Variants in CHD1L observed in about 807,000 individuals in gnomAD.
The protein encoded by CHD1L is chromodomain helicase DNA binding protein 1 like, also known as ATP-dependent chromatin remodeler CHD1L.
Under a neutral mutation model 115.9 loss-of-function variants are expected in CHD1L, and 118 were observed. The observed-to-expected ratio is 1.02, with a 90% confidence interval of 0.88 to 1.19. The LOEUF (loss-of-function observed/expected upper bound fraction) is 1.19, where lower values mean the gene tolerates loss of function less well. Among genes scored for constraint, CHD1L ranks in the 50% most tolerant of loss-of-function variants. The pLI is 0.00. For synonymous variants in CHD1L, 411 were observed against 387.1 expected, an observed-to-expected ratio of 1.06 and a Z score of -0.72; for missense variants, 1,179 against 1,065.3, an observed-to-expected ratio of 1.11 and a Z score of -1.49.
chr1:147,279,251 G>C (rs1381767212), intron 14 of CHD1L, among the ~76,000 whole-genome samples: 2 of 152,102 alleles, frequency 1.3e-5, no homozygotes, highest in Non-Finnish European at 2.9e-5. Context: ...TGAGAACAAG[G>C]GCCCAAGGTT....
chr1:147,194,690 T>A, the CHD1L span, among the ~76,000 whole-genome samples: 1 of 152,142 alleles, frequency 6.6e-6, no homozygotes, highest in African/African-American at 2.4e-5. Flanking sequence ...GGAGCTCTTT[T>A]AGAGCAGGCC....
Position 147,252,766 on chromosome 1 carries a change from C to T in CHD1L, c.240+31C>T, listed in dbSNP as rs373850892. 3.4e-5 allele frequency: 51 copies of T among 1,500,700 alleles called. 1 individual carries two copies. The highest frequency in any genetic ancestry group is 3.0e-4 in the South Asian group (26 of 88,124). The allele number at this position is 1,500,700 out of a possible 1,614,324, so 93.0% of individuals were successfully genotyped here. ...TTACTATGCGACGAGTACTGCTCAC[C>T]GCCACTGCGATACTTCCTTATAACT... On this transcript the variant is annotated intron_variant, in intron 2 of 22. Coordinates refer to ENST00000369258, the MANE Select transcript of CHD1L (RefSeq NM_004284.6).
the CHD1L span, chr1:147,213,176 G>T: frequency 1.3e-6 from 1 of 761,864 alleles, no homozygotes; most frequent in Non-Finnish European, 1.9e-6. Flanking sequence ...CATCCTTCTG[G>T]GGAACAAGAA....
In CHD1L at chr1:147,256,604, T is replaced by G. The variant is rs587744529; in HGVS notation, c.494+42T>G. ...ATTTAAGAACTTGGGTTGAATGTAT[T>G]ATGAATGTCATGTCTTTCCTTCACG... is the stretch of plus-strand genomic sequence containing the variant. On this transcript the variant is annotated intron_variant, in intron 5 of 22. Coordinates refer to ENST00000369258, the MANE Select transcript of CHD1L (RefSeq NM_004284.6). 1.9e-6 allele frequency: 3 copies of G among 1,566,582 alleles called. No homozygotes were observed. In the South Asian group the frequency reaches 3.3e-5, roughly 17 times the overall value.
chr1:147,276,158 T>C lies in CHD1L; in HGVS notation c.1440T>C (p.Tyr480=), dbSNP rs782252596. Residue 480 remains tyrosine (Y), a synonymous_variant, in exon 14 of 23, where the codon TAT becomes TAC. Transcript: ENST00000369258. The stretch of plus-strand genomic sequence containing the variant: ...GAGACACTGTGGAAGAAATAGTCTA[T>C]AGGAAAGCAGCCTCCAAACTGCAGC... ...IGRDTVEEIV[Y]RKAASKLQLT... is the part of the protein sequence containing the mutation. 1 of 1,614,168 alleles carries C rather than the reference T, an allele frequency of 6.2e-7. No individual in the cohort carries two copies. Among genetic ancestry groups the C allele is most frequent in the East Asian group, 2.2e-5 (1 of 44,886 alleles).
In CHD1L at chr1:147,255,021, AG is replaced by A. The variant is rs781786605; in HGVS notation, c.347+46del. The A allele has an allele frequency of 4.3e-6, 6 of 1,404,202 alleles. No homozygotes were observed. In the Admixed American group the frequency reaches 1.4e-4, roughly 33 times the overall value. 87.0% of individuals were successfully genotyped at this position (1,404,202 alleles called of 1,614,324 possible). A position where few individuals can be genotyped will look rare whatever the true frequency, so the allele number is the denominator to read the frequency against. On this transcript the variant is annotated intron_variant, in intron 3 of 22. Coordinates refer to ENST00000369258, the MANE Select transcript of CHD1L (RefSeq NM_004284.6). ...GAAATTTTATTGTTTATCTTGATTA[AG>A]ATTTTTTTTCTGGATGATGTATAAA...
rs782373725 is a variant in CHD1L at position 147,267,422 on chromosome 1, T to A, written c.896-4T>A. The A allele has an allele frequency of 8.7e-6, 14 of 1,609,338 alleles. No homozygotes were observed. The South Asian group carries it at 1.4e-4, about 17-fold the overall frequency. ...CTGTCTCTCTCTTTTTTTTTAAATTTCAGATGCATTTGAAAATGAGACGGC... is the reference window on the plus strand; with the variant it reads ...CTGTCTCTCTCTTTTTTTTTAAATTACAGATGCATTTGAAAATGAGACGGC... On this transcript the variant is annotated splice_region_variant and splice_polypyrimidine_tract_variant and intron_variant, in intron 8 of 22. Transcript: ENST00000369258.
chr1:147,212,918 T>A, the CHD1L span, among the ~76,000 whole-genome samples: 76 of 152,108 alleles, frequency 5.0e-4, 1 homozygote, highest in Admixed American at 2.4e-3. Context: ...CTTTTTTTTT[T>A]AAAATGAAAA....
intron 20 of CHD1L, among the ~76,000 whole-genome samples, chr1:147,292,143 A>G (rs1553971134): frequency 6.6e-6 from 1 of 152,154 alleles, no homozygotes; most frequent in African/African-American, 2.4e-5. Flanking sequence ...TTGTCTTTTT[A>G]TCCTCAGTAC....
the CHD1L span, among the ~76,000 whole-genome samples, chr1:147,231,590 T>C: frequency 6.6e-6 from 1 of 152,170 alleles, no homozygotes; most frequent in African/African-American, 2.4e-5. Flanking sequence ...TTGATCTGTC[T>C]AATGTTGACA....
In CHD1L at chr1:147,291,537, C is replaced by G. The variant is rs782266228; in HGVS notation, c.2376C>G (p.Asn792Lys). The G allele has an allele frequency of 3.0e-5, 48 of 1,613,562 alleles. No individual in the cohort carries two copies. In the Admixed American group the frequency reaches 7.3e-4, roughly 25 times the overall value. Residue 792 changes from asparagine (N) to lysine (K), a missense_variant, in exon 20 of 23, where the codon AAC (asparagine) becomes AAG (lysine). By Grantham distance (94) the Asn-to-Lys change is moderately conservative. Coordinates refer to ENST00000369258, the MANE Select transcript of CHD1L (RefSeq NM_004284.6). ...LFPVDDKESRNKGQDLLALIV... is the reference protein window; with the variant it reads ...LFPVDDKESRKKGQDLLALIV... ...CTGTTGATGATAAAGAATCAAGAAA[C>G]AAAGGGCAAGATTTGGTAAGTAAAA...
intron 20 of CHD1L, among the ~76,000 whole-genome samples, chr1:147,292,787 G>T (rs1011002404): frequency 6.6e-6 from 1 of 152,134 alleles, no homozygotes; most frequent in Non-Finnish European, 1.5e-5. Flanking sequence ...ACCAGAGCAA[G>T]AACTCATCAC....
chr1:147,208,796 A>T, the CHD1L span: 1 of 1,429,990 alleles, frequency 7.0e-7, no homozygotes, highest in Non-Finnish European at 9.9e-7. Context: ...CAGTGTGAAG[A>T]GTCCTTATTC....
chr1:147,243,734 C>G (rs759705721), intron 1 of CHD1L, among the ~76,000 whole-genome samples: 1 of 151,266 alleles, frequency 6.6e-6, no homozygotes, highest in Non-Finnish European at 1.5e-5. Context: ...TTGAATGCTA[C>G]TGGGAGCGTA....
chr1:147,291,370 A>G, intron 19 of CHD1L, 112 bp from the exon 20 acceptor site: 3 of 835,016 alleles, frequency 3.6e-6, no homozygotes, highest in Non-Finnish European at 6.2e-6. Context: ...AGGGCTGTGT[A>G]GGAAGGTGGG....
the CHD1L span, among the ~76,000 whole-genome samples, chr1:147,206,438 A>T: frequency 1.3e-5 from 2 of 152,366 alleles, no homozygotes; most frequent in Admixed American, 6.5e-5. Context: ...ATTATAAATC[A>T]TGATGCTATA....
At chr1:147,193,837 T>TG in the CHD1L span, among the ~76,000 whole-genome samples, 1 of 152,194 alleles carries the variant, frequency 6.6e-6, no homozygotes, top group Non-Finnish European at 1.5e-5. Flanking sequence ...TTTTTAGTCC[T>TG]GAGTTCTAGT....
chr1:147,283,377 A>G (rs587645326), intron 15 of CHD1L, among the ~76,000 whole-genome samples: 7 of 152,324 alleles, frequency 4.6e-5, no homozygotes, highest in African/African-American at 1.7e-4. Context: ...TTGTGAAAAT[A>G]TATTATTTGG....
chr1:147,174,181 AAAG>A, the CHD1L span, among the ~76,000 whole-genome samples: 13 of 152,298 alleles, frequency 8.5e-5, no homozygotes, highest in Admixed American at 7.8e-4. Flanking sequence ...AAGAAAAAAA[AAAG>A]GTACGATTTT....
Sources: allele counts gnomAD v4.1 joint callset (sites outside exome capture counted in the v4.1 genomes callset), GRCh38; gene constraint gnomAD v4.1.1; transcripts MANE v1.5; gene names NCBI Gene and HGNC (gene_info 2026-07-23, HGNC 2026-07-21).